Variants in SUGCT observed in about 807,000 individuals in gnomAD.
The protein encoded by SUGCT is succinyl-CoA:glutarate CoA-transferase.
SUGCT carries 41 observed loss-of-function variants against 55.0 expected under a neutral mutation model. That is an observed-to-expected ratio of 0.74 (90% CI 0.58 to 0.97). The LOEUF (loss-of-function observed/expected upper bound fraction) is 0.97, where lower values mean the gene tolerates loss of function less well. SUGCT is among the 50% of genes least tolerant of loss of function. The pLI, the probability that SUGCT is intolerant of heterozygous loss-of-function variation, is 0.00. For missense variants in SUGCT, 568 were observed against 547.8 expected, an observed-to-expected ratio of 1.04 and a Z score of -0.37; for synonymous variants, 187 against 200.4, an observed-to-expected ratio of 0.93 and a Z score of 0.56.
chr7:40,446,134 C>G (rs1260981832), intron 9 of SUGCT, among the ~76,000 whole-genome samples: 1 of 152,024 alleles, frequency 6.6e-6, no homozygotes, highest in African/African-American at 2.4e-5. Flanking sequence ...AAATTTTAAA[C>G]TTTTATATTG....
chr7:40,974,219 G>T, the SUGCT span, among the ~76,000 whole-genome samples: 1 of 152,124 alleles, frequency 6.6e-6, no homozygotes, highest in African/African-American at 2.4e-5. Context: ...AGTGACATCT[G>T]CCCTGCTACC....
the SUGCT span, among the ~76,000 whole-genome samples, chr7:40,940,362 G>C: frequency 2.6e-5 from 4 of 151,884 alleles, no homozygotes; most frequent in Non-Finnish European, 5.9e-5. Context: ...GGCTATTTGG[G>C]CTCTTTTTTT....
chr7:40,829,420 C>A (rs539278029), intron 13 of SUGCT, among the ~76,000 whole-genome samples: 1 of 152,182 alleles, frequency 6.6e-6, no homozygotes, highest in African/African-American at 2.4e-5. Context: ...AAGTCAAGAA[C>A]CCTCCTGGGC....
At chr7:40,913,329 C>T in the SUGCT span, among the ~76,000 whole-genome samples, 1 of 152,086 alleles carries the variant, frequency 6.6e-6, no homozygotes, top group South Asian at 2.1e-4. Context: ...TATAACACAT[C>T]CTGGTTTTAG....
At chr7:40,253,261 T>A (rs948383068) in intron 7 of SUGCT, among the ~76,000 whole-genome samples, 8 of 152,320 alleles carry the variant, frequency 5.3e-5, no homozygotes, top group African/African-American at 1.9e-4. Context: ...AATGGAATAT[T>A]TGATTTAGTG....
intron 12 of SUGCT, among the ~76,000 whole-genome samples, chr7:40,576,687 A>G (rs1457854273): frequency 6.6e-6 from 1 of 152,220 alleles, no homozygotes; most frequent in African/African-American, 2.4e-5. Flanking sequence ...GCTGAGTTTT[A>G]TTAGAGCCAT....
chr7:40,679,960 T>G (rs1784165791), intron 12 of SUGCT, among the ~76,000 whole-genome samples: 1 of 152,206 alleles, frequency 6.6e-6, no homozygotes, highest in South Asian at 2.1e-4. Flanking sequence ...GTTTGATTTT[T>G]TTAAGGCATT....
At chr7:40,231,506 T>C (rs1357181165) in intron 6 of SUGCT, among the ~76,000 whole-genome samples, 1 of 152,128 alleles carries the variant, frequency 6.6e-6, no homozygotes, top group Non-Finnish European at 1.5e-5. Context: ...GATTGGGTGG[T>C]AGAGAAAGCT....
In SUGCT at chr7:40,727,645, A is replaced by ACAATGTAC. The variant is rs200219569; in HGVS notation, c.1090-21787_1090-21780dup. Among the ~76,000 whole-genome samples the ACAATGTAC allele has an allele frequency of 8.9e-3, 1,359 of 152,322 alleles. 13 individuals are homozygous for ACAATGTAC. Among genetic ancestry groups the ACAATGTAC allele is most frequent in the African/African-American group, 0.031 (1,276 of 41,568 alleles). On this transcript the variant is annotated intron_variant, in intron 12 of 13. Transcript: ENST00000335693. ...TTTTTCAAACTTTGATCTTTGATAA[A>ACAATGTAC]CAATGTACCTGTCAATTTAATGTAA... is the stretch of plus-strand genomic sequence containing the variant.
At chr7:40,382,246 T>C (rs1373972848) in intron 9 of SUGCT, among the ~76,000 whole-genome samples, 4 of 152,172 alleles carry the variant, frequency 2.6e-5, no homozygotes, top group African/African-American at 9.7e-5. Flanking sequence ...TTGCATAATC[T>C]AGTGACTGTG....
Position 40,135,136 on chromosome 7 carries a change from C to G in SUGCT, c.100+16C>G. ...CCGCAGTCAGGTACCCTCCGAGATTCGGTCTGGGTGGCTAAAGGGATCCCT... is the reference window on the plus strand; with the variant it reads ...CCGCAGTCAGGTACCCTCCGAGATTGGGTCTGGGTGGCTAAAGGGATCCCT... On this transcript the variant is annotated intron_variant, in intron 1 of 13. Transcript: ENST00000335693. 1 of 1,540,010 alleles carries G rather than the reference C, an allele frequency of 6.5e-7. No individual in the cohort carries two copies. The highest frequency in any genetic ancestry group is 8.8e-7 in the Non-Finnish European group (1 of 1,142,500).
At chr7:40,368,680 A>ACAT (rs1239572243) in intron 9 of SUGCT, among the ~76,000 whole-genome samples, 3 of 152,202 alleles carry the variant, frequency 2.0e-5, no homozygotes, top group African/African-American at 7.2e-5. Context: ...ACTCTGAACT[A>ACAT]GGCATGAAAC....
At chr7:40,823,435 G>A (rs1792132760) in intron 13 of SUGCT, among the ~76,000 whole-genome samples, 1 of 151,900 alleles carries the variant, frequency 6.6e-6, no homozygotes. Context: ...TATTTAAAGT[G>A]GATTTCCTAC....
At chr7:40,557,741 C>G (rs10236762) in intron 12 of SUGCT, among the ~76,000 whole-genome samples, 3 of 146,002 alleles carry the variant, frequency 2.1e-5, no homozygotes, top group Non-Finnish European at 4.5e-5. Flanking sequence ...CCACTGCACT[C>G]TAGTCTAGGT....
intron 6 of SUGCT, among the ~76,000 whole-genome samples, chr7:40,224,176 C>T (rs1788194718): frequency 6.6e-6 from 1 of 152,046 alleles, no homozygotes. Flanking sequence ...TTCTATGATC[C>T]ATCTGCCAGA....
intron 12 of SUGCT, among the ~76,000 whole-genome samples, chr7:40,568,627 G>A (rs1796275006): frequency 6.6e-6 from 1 of 152,166 alleles, no homozygotes; most frequent in Non-Finnish European, 1.5e-5. Flanking sequence ...ATGAAGCATG[G>A]CTTGTCCAGA....
At chr7:40,158,415 G>A (rs949615480) in intron 1 of SUGCT, among the ~76,000 whole-genome samples, 4 of 152,118 alleles carry the variant, frequency 2.6e-5, no homozygotes, top group African/African-American at 7.2e-5. Flanking sequence ...CATAGAGTAG[G>A]AATATTGTTT....
intron 13 of SUGCT, among the ~76,000 whole-genome samples, chr7:40,773,113 T>C (rs80275678): frequency 0.097 from 14,718 of 152,142 alleles, 754 homozygotes; most frequent in Middle Eastern, 0.17. Flanking sequence ...ACCTTTTTAT[T>C]AATAATTTTT....
At chr7:40,675,383 A>T (rs946000958) in intron 12 of SUGCT, among the ~76,000 whole-genome samples, 4 of 152,192 alleles carry the variant, frequency 2.6e-5, no homozygotes, top group Non-Finnish European at 4.4e-5. Context: ...TCTAATGTGT[A>T]ATCACATATG....
Sources: gnomAD v4.1 joint callset for allele counts (sites outside exome capture counted in the v4.1 genomes callset) on GRCh38, gnomAD v4.1.1 for gene constraint, MANE v1.5 for transcripts, NCBI Gene and HGNC (gene_info 2026-07-23, HGNC 2026-07-21) for gene names.